ADAMTSL3: variants seen among roughly 807,000 people sequenced by gnomAD.
The protein encoded by ADAMTSL3 is ADAMTS-like protein 3.
In ADAMTSL3, 128 loss-of-function variants were observed where a neutral mutation model predicts 201.7. The ratio of observed to expected loss-of-function variants is 0.63; its 90% CI spans 0.55 to 0.73. The LOEUF (loss-of-function observed/expected upper bound fraction) is 0.73, where lower values mean the gene tolerates loss of function less well. Ranked by LOEUF, ADAMTSL3 falls within the 30% of genes least tolerant of loss-of-function variation. The probability of loss-of-function intolerance (pLI) is 0.00; values close to 1 mark genes in which losing one functional copy is unlikely to be tolerated. For synonymous variants in ADAMTSL3, 738 were observed against 748.4 expected, an observed-to-expected ratio of 0.99 and a Z score of 0.23; for missense variants, 1,990 against 2,119.6, an observed-to-expected ratio of 0.94 and a Z score of 1.20.
At chr15:83,688,759 C>CACACACACACACAT (rs2061572157) in intron 2 of ADAMTSL3, among the ~76,000 whole-genome samples, 1 of 146,828 alleles carries the variant, frequency 6.8e-6, no homozygotes, top group African/African-American at 2.5e-5. Flanking sequence ...TATATATACA[C>CACACACACACACAT]ACACACACAC....
intron 3 of ADAMTSL3, among the ~76,000 whole-genome samples, chr15:83,704,775 T>G (rs2061824646): frequency 2.0e-5 from 3 of 152,258 alleles, no homozygotes; most frequent in Admixed American, 2.0e-4. Context: ...TTTGTTCATC[T>G]CAGCTATCAC....
chr15:83,816,614 A>G (rs1347847090), intron 5 of ADAMTSL3, among the ~76,000 whole-genome samples: 1 of 152,216 alleles, frequency 6.6e-6, no homozygotes, highest in African/African-American at 2.4e-5. Context: ...AGATATAGAG[A>G]AAACTAGCTG....
chr15:83,907,426 C>T (rs923231225), intron 15 of ADAMTSL3, among the ~76,000 whole-genome samples: 4 of 152,234 alleles, frequency 2.6e-5, no homozygotes, highest in Middle Eastern at 3.4e-3. Context: ...CACTTTGAGA[C>T]GGAGTCTCGC....
At chr15:83,806,897 T>G (rs2063610424) in intron 5 of ADAMTSL3, among the ~76,000 whole-genome samples, 1 of 151,924 alleles carries the variant, frequency 6.6e-6, no homozygotes, top group Non-Finnish European at 1.5e-5. Flanking sequence ...CACAAGAAAC[T>G]TTAGAAAGCA....
chr15:83,907,126 T>A (rs952811296), intron 15 of ADAMTSL3, among the ~76,000 whole-genome samples: 1 of 151,186 alleles, frequency 6.6e-6, no homozygotes, highest in Non-Finnish European at 1.5e-5. Context: ...AGAGAGAGTC[T>A]ATTTTTAAAA....
intron 4 of ADAMTSL3, among the ~76,000 whole-genome samples, chr15:83,782,837 T>C (rs1489765188): frequency 6.6e-6 from 1 of 151,686 alleles, no homozygotes; most frequent in Non-Finnish European, 1.5e-5. Flanking sequence ...AAAGTTTACC[T>C]ATATAACAAG....
At chr15:83,891,893 G>T (rs2065506117) in intron 12 of ADAMTSL3, among the ~76,000 whole-genome samples, 1 of 152,194 alleles carries the variant, frequency 6.6e-6, no homozygotes, top group Admixed American at 6.5e-5. Context: ...TAAGTACCTT[G>T]TGACAAGAAT....
chr15:83,773,400 G>C, intron 3 of ADAMTSL3, 123 bp from the exon 4 acceptor site: 1 of 1,093,912 alleles, frequency 9.1e-7, no homozygotes, highest in Non-Finnish European at 1.3e-6. Context: ...TCGAAGCTCT[G>C]TCTCAATTAA....
intron 2 of ADAMTSL3, among the ~76,000 whole-genome samples, chr15:83,675,333 T>C (rs1417024958): frequency 6.6e-6 from 1 of 152,040 alleles, no homozygotes; most frequent in Non-Finnish European, 1.5e-5. Flanking sequence ...CATGAATAGG[T>C]GTTTAATTAT....
At chr15:83,863,236 C>T (rs2064904048) in intron 8 of ADAMTSL3, among the ~76,000 whole-genome samples, 1 of 152,104 alleles carries the variant, frequency 6.6e-6, no homozygotes, top group South Asian at 2.1e-4. Flanking sequence ...ACAAGGATAT[C>T]CAGGAATTGA....
chr15:83,697,502 T>C (rs1194612377), intron 2 of ADAMTSL3, among the ~76,000 whole-genome samples: 1 of 152,194 alleles, frequency 6.6e-6, no homozygotes, highest in East Asian at 1.9e-4. Context: ...ACAAACAGGC[T>C]ATAAATTGAG....
intron 3 of ADAMTSL3, among the ~76,000 whole-genome samples, chr15:83,758,778 G>A (rs1050693966): frequency 3.9e-5 from 6 of 151,984 alleles, no homozygotes; most frequent in African/African-American, 1.5e-4. Context: ...TTGCTGAATT[G>A]TAAGAATTCA....
At chr15:83,757,074 C>T (rs554877969) in intron 3 of ADAMTSL3, among the ~76,000 whole-genome samples, 11 of 152,270 alleles carry the variant, frequency 7.2e-5, no homozygotes, top group South Asian at 4.1e-4. Flanking sequence ...TCCAGGCACA[C>T]GGTGCAGGCG....
chr15:83,927,291 A>G (rs2066267020), intron 17 of ADAMTSL3, among the ~76,000 whole-genome samples: 1 of 151,482 alleles, frequency 6.6e-6, no homozygotes, highest in Non-Finnish European at 1.5e-5. Flanking sequence ...TAATTTTTGT[A>G]TTTTTCGTAG....
chr15:83,659,147 C>A (rs960206966), intron 2 of ADAMTSL3, among the ~76,000 whole-genome samples: 1 of 152,156 alleles, frequency 6.6e-6, no homozygotes, highest in African/African-American at 2.4e-5. Context: ...ATGGAATAGC[C>A]TTTTCAGAAG....
chr15:83,655,936 C>T, intron 2 of ADAMTSL3, 106 bp downstream of exon 2: 1 of 1,167,602 alleles, frequency 8.6e-7, no homozygotes, highest in Non-Finnish European at 1.2e-6. Context: ...GTTAATCCTA[C>T]ACCAGAGAAC....
At chr15:83,680,486 A>C (rs1166551503) in intron 2 of ADAMTSL3, among the ~76,000 whole-genome samples, 2 of 143,430 alleles carry the variant, frequency 1.4e-5, no homozygotes, top group Non-Finnish European at 3.0e-5. Context: ...CTAGGTCCTA[A>C]TTTTTGATTG....
chr15:83,676,552 C>T (rs1284195776), intron 2 of ADAMTSL3, among the ~76,000 whole-genome samples: 2 of 152,134 alleles, frequency 1.3e-5, no homozygotes, highest in Non-Finnish European at 2.9e-5. Context: ...GTGGTGGGCG[C>T]CTGTAGTCCC....
At chr15:83,730,312 CA>C (rs1387775859) in intron 3 of ADAMTSL3, among the ~76,000 whole-genome samples, 8 of 152,174 alleles carry the variant, frequency 5.3e-5, no homozygotes, top group Admixed American at 6.5e-5. Context: ...TGGATGAGGC[CA>C]GGGGCACTGA....
Sources: gnomAD v4.1 joint callset for allele counts (sites outside exome capture counted in the v4.1 genomes callset) on GRCh38, gnomAD v4.1.1 for gene constraint, MANE v1.5 for transcripts, NCBI Gene and HGNC (gene_info 2026-07-23, HGNC 2026-07-21) for gene names.